Variants in EHBP1 observed in about 807,000 individuals in gnomAD.
EHBP1 encodes the protein EH domain-binding protein 1.
EHBP1 carries 55 observed loss-of-function variants against 144.0 expected under a neutral mutation model. The observed-to-expected ratio is 0.38, with a 90% CI of 0.31 to 0.48. The LOEUF (loss-of-function observed/expected upper bound fraction) is 0.48, where lower values mean the gene tolerates loss of function less well. Among genes scored for constraint, EHBP1 ranks in the 20% least tolerant of loss-of-function variants. The pLI is 0.98. For missense variants in EHBP1, 1,200 were observed against 1,364.2 expected, an observed-to-expected ratio of 0.88 and a Z score of 1.90; for synonymous variants, 469 against 472.7, an observed-to-expected ratio of 0.99 and a Z score of 0.10.
intron 10 of EHBP1, among the ~76,000 whole-genome samples, chr2:62,930,677 A>G (rs1473511271): frequency 6.6e-6 from 1 of 152,234 alleles, no homozygotes; most frequent in Non-Finnish European, 1.5e-5. Context: ...ATGAAGACAT[A>G]TAGACCAACA....
chr2:62,998,281 A>G (rs116501438), intron 19 of EHBP1, among the ~76,000 whole-genome samples: 164 of 152,296 alleles, frequency 1.1e-3, no homozygotes, highest in African/African-American at 3.7e-3. Context: ...GTGTGGATTC[A>G]GCATGATTCC....
At position 63,032,566 on chromosome 2, in the gene EHBP1, C is replaced by CAAA. The variant is rs35237077; in HGVS notation, c.3104-4945_3104-4943dup. Among the ~76,000 whole-genome samples, 63 of 28,266 alleles carry CAAA rather than the reference C, an allele frequency of 2.2e-3. 3 individuals are homozygous for CAAA. The East Asian group carries it at 0.054, about 24-fold the overall frequency. 18.5% of individuals were successfully genotyped at this position (28,266 alleles called of 152,430 possible). On this transcript the variant is annotated intron_variant, in intron 19 of 22. Transcript: ENST00000431489. ...TGGGCGACAGAGCGAGACTCTGTCT[C>CAAA]AAAAAAAAAAAAAAAAAAAAAAAAA...
intron 7 of EHBP1, among the ~76,000 whole-genome samples, chr2:62,856,729 T>G (rs889774671): frequency 6.6e-6 from 1 of 152,172 alleles, no homozygotes; most frequent in Non-Finnish European, 1.5e-5. Context: ...TACCAAAATA[T>G]GACACACACA....
chr2:62,961,776 G>A (rs2058013885), intron 14 of EHBP1, among the ~76,000 whole-genome samples: 1 of 151,932 alleles, frequency 6.6e-6, no homozygotes, highest in African/African-American at 2.4e-5. Context: ...AGCTAATCTG[G>A]CCTGTAATCC....
chr2:62,755,486 A>T (rs1293021965), intron 3 of EHBP1, among the ~76,000 whole-genome samples: 2 of 152,148 alleles, frequency 1.3e-5, no homozygotes, highest in African/African-American at 4.8e-5. Context: ...TCTTTGGGGA[A>T]AAGTATTTTT....
chr2:63,012,551 G>A (rs186377587), intron 19 of EHBP1, among the ~76,000 whole-genome samples: 185 of 151,920 alleles, frequency 1.2e-3, no homozygotes, highest in Middle Eastern at 6.8e-3. Flanking sequence ...TGTAACAAAA[G>A]CTAACCATGT....
chr2:62,721,026 AG>A (rs34509168), intron 2 of EHBP1, among the ~76,000 whole-genome samples: 48,535 of 152,056 alleles, frequency 0.32, 7,824 homozygotes, highest in Middle Eastern at 0.43. Context: ...GGCAAGCTAC[AG>A]GACTTTATTA....
chr2:62,963,983 G>A (rs572239230), intron 14 of EHBP1, among the ~76,000 whole-genome samples: 63 of 152,204 alleles, frequency 4.1e-4, no homozygotes, highest in African/African-American at 6.0e-4. Context: ...GAATGCTGGC[G>A]TACTTCTATG....
At position 62,729,663 on chromosome 2, in the gene EHBP1, G is replaced by A. The variant is rs751299838; in HGVS notation, c.105-17732G>A. ...ATAATATAATATAATATAATATTTT[G>A]CACCTATAATACTTTAATGAATAGC... On this transcript the variant is annotated intron_variant, in intron 2 of 22. Coordinates refer to ENST00000431489, the MANE Select transcript of EHBP1 (RefSeq NM_001142616.3). 7.5e-4 allele frequency among the ~76,000 whole-genome samples: 107 copies of A among 142,018 alleles called. 1 individual carries two copies. The highest frequency in any genetic ancestry group is 1.4e-3 in the Non-Finnish European group (92 of 66,204). 93.2% of individuals were successfully genotyped at this position (142,018 alleles called of 152,430 possible).
chr2:62,873,388 GA>G (rs1558833090), intron 9 of EHBP1, among the ~76,000 whole-genome samples: 2 of 151,762 alleles, frequency 1.3e-5, no homozygotes. Flanking sequence ...TAGACACAAA[GA>G]AAAAATGAAC....
intron 7 of EHBP1, among the ~76,000 whole-genome samples, chr2:62,836,002 G>A (rs890150662): frequency 6.6e-6 from 1 of 151,890 alleles, no homozygotes; most frequent in Admixed American, 6.6e-5. Context: ...AGCTCAAGGA[G>A]GCCTGCCTGC....
chr2:62,988,198 A>G (rs1407530195), intron 15 of EHBP1, among the ~76,000 whole-genome samples: 1 of 151,918 alleles, frequency 6.6e-6, no homozygotes, highest in Non-Finnish European at 1.5e-5. Flanking sequence ...ATTTTATGTT[A>G]TTTTGTTTTA....
chr2:62,834,532 A>C (rs986316147), intron 7 of EHBP1, among the ~76,000 whole-genome samples: 1 of 152,240 alleles, frequency 6.6e-6, no homozygotes, highest in Admixed American at 6.5e-5. Flanking sequence ...ATTAAGGTAT[A>C]TATGTTGTTC....
chr2:63,033,794 A>T (rs2061357251), intron 19 of EHBP1, among the ~76,000 whole-genome samples: 1 of 152,132 alleles, frequency 6.6e-6, no homozygotes, highest in Non-Finnish European at 1.5e-5. Context: ...TTCTTGGAAG[A>T]TATGTAATGT....
intron 5 of EHBP1, among the ~76,000 whole-genome samples, chr2:62,807,295 C>A (rs190444376): frequency 1.1e-3 from 164 of 152,334 alleles, no homozygotes; most frequent in African/African-American, 3.8e-3. Flanking sequence ...TGCCTGTAAT[C>A]CCAGCATTCT....
At chr2:62,722,164 C>T (rs1447078801) in intron 2 of EHBP1, among the ~76,000 whole-genome samples, 1 of 151,756 alleles carries the variant, frequency 6.6e-6, no homozygotes, top group Non-Finnish European at 1.5e-5. Context: ...GAGTCTCACT[C>T]TATTGCCCAT....
intron 7 of EHBP1, among the ~76,000 whole-genome samples, chr2:62,832,119 G>A (rs754592318): frequency 6.6e-5 from 10 of 152,090 alleles, no homozygotes; most frequent in African/African-American, 4.8e-5. Flanking sequence ...ATTTGTGATT[G>A]CAATTTTGAT....
intron 10 of EHBP1, among the ~76,000 whole-genome samples, chr2:62,938,729 G>A (rs1172066880): frequency 2.0e-5 from 3 of 151,558 alleles, no homozygotes; most frequent in Non-Finnish European, 4.4e-5. Flanking sequence ...ACATTGCCAA[G>A]CATTACAAGT....
At chr2:62,997,768 T>A (rs1320110983) in intron 19 of EHBP1, among the ~76,000 whole-genome samples, 1 of 152,080 alleles carries the variant, frequency 6.6e-6, no homozygotes, top group Non-Finnish European at 1.5e-5. Flanking sequence ...ATGCATAGAT[T>A]AGTGAAATCA....
Sources: gnomAD v4.1 joint callset for allele counts (sites outside exome capture counted in the v4.1 genomes callset) on GRCh38, gnomAD v4.1.1 for gene constraint, MANE v1.5 for transcripts, NCBI Gene and HGNC (gene_info 2026-07-23, HGNC 2026-07-21) for gene names.